Variants in STPG2 observed in about 807,000 individuals in gnomAD.
The protein encoded by STPG2 is sperm tail PG-rich repeat containing 2, also known as sperm-tail PG-rich repeat-containing protein 2.
In STPG2, 56 loss-of-function variants were observed where a neutral mutation model predicts 54.2. That is an observed-to-expected ratio of 1.03 (90% confidence interval 0.83 to 1.29). STPG2 has a LOEUF of 1.29. Ranked by LOEUF, STPG2 falls within the 50% of genes most tolerant of loss-of-function variation. The pLI is 0.00. For missense variants in STPG2, 596 were observed against 544.9 expected (o/e 1.09, Z -0.93); for synonymous variants, 200 against 181.8 (o/e 1.10, Z -0.81).
intron 9 of STPG2, among the ~76,000 whole-genome samples, chr4:97,791,149 G>T (rs1208111588): frequency 1.3e-5 from 2 of 152,062 alleles, no homozygotes. Context: ...TGTGGGTAAG[G>T]TATGAGAGCT....
At chr4:97,490,773 A>G (rs150076666) in intron 4 of STPG2, among the ~76,000 whole-genome samples, 6 of 151,462 alleles carry the variant, frequency 4.0e-5, no homozygotes, top group Admixed American at 6.6e-5. Flanking sequence ...ACTTCTAAAC[A>G]TCTCTCCTTC....
At chr4:97,526,522 C>T (rs1161595760) in intron 4 of STPG2, among the ~76,000 whole-genome samples, 1 of 151,694 alleles carries the variant, frequency 6.6e-6, no homozygotes, top group Non-Finnish European at 1.5e-5. Flanking sequence ...TTTTTGATGG[C>T]GCTGTTTTTT....
chr4:98,096,435 T>C (rs903621344), intron 5 of STPG2, among the ~76,000 whole-genome samples: 6 of 151,286 alleles, frequency 4.0e-5, no homozygotes, highest in Admixed American at 6.6e-5. Flanking sequence ...CAAATGATAA[T>C]GGAAATATAC....
At position 97,616,057 on chromosome 4, in the gene STPG2, A is replaced by AT. The variant is rs1733858264; in HGVS notation, c.1321-56941_1321-56940insA. 1.0e-2 allele frequency among the ~76,000 whole-genome samples: 372 copies of AT among 37,356 alleles called. 29 individuals carry two copies. Among genetic ancestry groups the AT allele is most frequent in the African/African-American group, 0.031 (346 of 11,022 alleles). 24.5% of individuals were successfully genotyped at this position (37,356 alleles called of 152,430 possible). ...GTCTCAAAAAAAAAAAATACATATA[A>AT]ATATATATATATATATATATATATA... On this transcript the variant is annotated intron_variant, in intron 10 of 10. Coordinates refer to ENST00000295268, the MANE Select transcript of STPG2 (RefSeq NM_174952.3).
At chr4:98,022,523 T>C (rs7683636) in intron 5 of STPG2, among the ~76,000 whole-genome samples, 2,059 of 151,504 alleles carry the variant, frequency 0.014, 48 homozygotes, top group African/African-American at 0.047. Flanking sequence ...GAGGAGTATC[T>C]TTGTGGCGTT....
chr4:97,545,113 A>C (rs2148864233), intron 4 of STPG2, among the ~76,000 whole-genome samples: 1 of 152,246 alleles, frequency 6.6e-6, no homozygotes, highest in South Asian at 2.1e-4. Context: ...GATGCTGATT[A>C]TTCTGATCCT....
intron 5 of STPG2, among the ~76,000 whole-genome samples, chr4:97,994,075 G>A (rs1274393355): frequency 6.6e-6 from 1 of 151,590 alleles, no homozygotes; most frequent in Non-Finnish European, 1.5e-5. Context: ...TTTTGTTGTT[G>A]TTGTTGTTGT....
chr4:97,472,827 G>T (rs991791471), intron 4 of STPG2, among the ~76,000 whole-genome samples: 1 of 152,152 alleles, frequency 6.6e-6, no homozygotes, highest in Admixed American at 6.6e-5. Context: ...ATTGGTTGTT[G>T]CGGGAAGTCA....
At chr4:97,587,317 T>C (rs1733025267) in intron 10 of STPG2, among the ~76,000 whole-genome samples, 1 of 151,972 alleles carries the variant, frequency 6.6e-6, no homozygotes, top group Admixed American at 6.6e-5. Context: ...TTGTTTATAA[T>C]TAGGTACCAT....
At chr4:97,861,859 G>C (rs1370266053) in intron 8 of STPG2, among the ~76,000 whole-genome samples, 2 of 152,056 alleles carry the variant, frequency 1.3e-5, no homozygotes, top group African/African-American at 4.8e-5. Flanking sequence ...ATCCTTTACA[G>C]ACAAGCAAAT....
At chr4:97,538,503 G>A (rs61311365) in intron 4 of STPG2, among the ~76,000 whole-genome samples, 2,829 of 152,122 alleles carry the variant, frequency 0.019, 84 homozygotes, top group African/African-American at 0.063. Flanking sequence ...AAAAGAATAC[G>A]AAGAAATGAA....
rs895602025 is a variant in STPG2 at position 98,127,875 on chromosome 4, C to T, written c.387+553G>A. ...CTGGAATAAATGATGTTTACATTCT[C>T]AGATTCAAATTCTTTTAAAAATAAA... is the stretch of plus-strand genomic sequence containing the variant. On this transcript the variant is annotated intron_variant, in intron 3 of 10. Transcript: ENST00000295268. Among the ~76,000 whole-genome samples, 4 of 152,122 alleles carry T rather than the reference C, an allele frequency of 2.6e-5. No homozygotes were observed. The South Asian group carries it at 8.3e-4, about 31-fold the overall frequency.
chr4:98,128,346 G>C (rs2110162059), intron 3 of STPG2, 82 bp downstream of exon 3: 1 of 1,251,918 alleles, frequency 8.0e-7, no homozygotes, highest in South Asian at 2.1e-5. Flanking sequence ...TTTTCTTGGA[G>C]AAATAAGCCA....
At chr4:97,957,525 G>A (rs189695328) in intron 7 of STPG2, among the ~76,000 whole-genome samples, 13 of 152,230 alleles carry the variant, frequency 8.5e-5, no homozygotes, top group Admixed American at 8.5e-4. Flanking sequence ...AACGTTCCCA[G>A]CCTTGCTAAA....
intron 8 of STPG2, among the ~76,000 whole-genome samples, chr4:97,873,263 C>T (rs538183126): frequency 2.1e-4 from 31 of 150,354 alleles, no homozygotes; most frequent in Middle Eastern, 3.4e-3. Context: ...TAACTCCTTT[C>T]TCTAATAATA....
At chr4:97,939,845 G>A (rs1192028886) in intron 8 of STPG2, among the ~76,000 whole-genome samples, 2 of 152,166 alleles carry the variant, frequency 1.3e-5, no homozygotes, top group African/African-American at 4.8e-5. Context: ...CTGGCATTGT[G>A]CTGTTAGCTG....
chr4:97,501,073 G>A (rs1657724821), intron 4 of STPG2, among the ~76,000 whole-genome samples: 1 of 152,038 alleles, frequency 6.6e-6, no homozygotes, highest in South Asian at 2.1e-4. Context: ...GGGAAATGCT[G>A]AAGAGATGTC....
At chr4:97,798,371 T>C (rs1322213394) in intron 9 of STPG2, among the ~76,000 whole-genome samples, 1 of 152,196 alleles carries the variant, frequency 6.6e-6, no homozygotes, top group Non-Finnish European at 1.5e-5. Context: ...CCAGAGATTC[T>C]GGTATGTTGT....
At chr4:97,874,397 T>A (rs1350649614) in intron 8 of STPG2, among the ~76,000 whole-genome samples, 1 of 151,746 alleles carries the variant, frequency 6.6e-6, no homozygotes, top group African/African-American at 2.4e-5. Context: ...CTTCACATAT[T>A]TACAGTATAC....
Sources: allele counts gnomAD v4.1 joint callset (sites outside exome capture counted in the v4.1 genomes callset), GRCh38; gene constraint gnomAD v4.1.1; transcripts MANE v1.5; gene names NCBI Gene and HGNC (gene_info 2026-07-23, HGNC 2026-07-21).